Variants in HTR1E observed in about 807,000 individuals in gnomAD.
HTR1E encodes the protein 5-hydroxytryptamine receptor 1E.
A neutral mutation model predicts 3.4 loss-of-function variants in HTR1E; 3 were observed. That is an observed-to-expected ratio of 0.89 (90% CI 0.41 to 2.31). The LOEUF is 2.31. Among genes scored for constraint, HTR1E ranks in the 30% most tolerant of loss-of-function variants. The probability of loss-of-function intolerance (pLI) is 0.05; values close to 1 mark genes in which losing one functional copy is unlikely to be tolerated. For synonymous variants in HTR1E, 170 were observed against 182.8 expected (o/e 0.93, Z 0.56); for missense variants, 392 against 467.0 (o/e 0.84, Z 1.48).
intron 1 of HTR1E, among the ~76,000 whole-genome samples, chr6:86,992,792 C>T (rs1034550499): frequency 6.6e-6 from 1 of 152,142 alleles, no homozygotes; most frequent in Admixed American, 6.6e-5. Flanking sequence ...TAAAACCAAG[C>T]TTCCAAAGAT....
At chr6:86,985,995 T>C (rs1767779855) in intron 1 of HTR1E, among the ~76,000 whole-genome samples, 1 of 152,210 alleles carries the variant, frequency 6.6e-6, no homozygotes. Flanking sequence ...TTACTGGAAT[T>C]CATTTATTTC....
At chr6:86,999,299 G>C (rs919672049) in intron 1 of HTR1E, among the ~76,000 whole-genome samples, 1 of 151,976 alleles carries the variant, frequency 6.6e-6, no homozygotes, top group African/African-American at 2.4e-5. Context: ...TCAAAAATAG[G>C]TTTTAAGATA....
At position 87,010,309 on chromosome 6, in the gene HTR1E, G is replaced by C. The variant is rs557750518; in HGVS notation, c.-185-4841G>C. 1.7e-3 allele frequency among the ~76,000 whole-genome samples: 180 copies of C among 107,610 alleles called. 13 individuals are homozygous for C. Among genetic ancestry groups the C allele is most frequent in the African/African-American group, 5.4e-3 (130 of 24,034 alleles). The allele number at this position is 107,610 out of a possible 152,430, so 70.6% of individuals were successfully genotyped here. The stretch of plus-strand genomic sequence containing the variant: ...CCCGGACGGGGCGGCTGGCCGGGCG[G>C]GGGGGCTGACCCCCCCCACCTCCCT... On this transcript the variant is annotated intron_variant, in intron 1 of 1. Coordinates refer to ENST00000305344, the MANE Select transcript of HTR1E (RefSeq NM_000865.3).
intron 1 of HTR1E, among the ~76,000 whole-genome samples, chr6:86,957,938 T>C (rs1246428077): frequency 1.3e-5 from 2 of 152,154 alleles, no homozygotes; most frequent in Non-Finnish European, 2.9e-5. Context: ...TTTAGTCATA[T>C]ATACTTCCAT....
intron 1 of HTR1E, among the ~76,000 whole-genome samples, chr6:86,970,266 A>G (rs1767531416): frequency 6.6e-6 from 1 of 152,224 alleles, no homozygotes; most frequent in Admixed American, 6.5e-5. Flanking sequence ...TTTAAATCCT[A>G]AAGTAACAAC....
At chr6:86,971,015 T>C (rs1767544904) in intron 1 of HTR1E, 2 of 469,534 alleles carry the variant, frequency 4.3e-6, no homozygotes, top group African/African-American at 2.0e-5. Flanking sequence ...TTGGAGGATC[T>C]GATTCATGAG....
At chr6:86,958,989 AAGAG>A (rs919479037) in intron 1 of HTR1E, among the ~76,000 whole-genome samples, 4 of 110,760 alleles carry the variant, frequency 3.6e-5, no homozygotes, top group South Asian at 3.1e-4. Flanking sequence ...TGTGTACAGA[AAGAG>A]AGAGATTGAT....
At chr6:86,984,548 A>G (rs1242599356) in intron 1 of HTR1E, among the ~76,000 whole-genome samples, 2 of 152,250 alleles carry the variant, frequency 1.3e-5, no homozygotes, top group East Asian at 3.8e-4. Context: ...GAACTTAATT[A>G]CAAGAATTTA....
At chr6:87,012,102 C>T (rs915221792) in intron 1 of HTR1E, among the ~76,000 whole-genome samples, 1 of 146,340 alleles carries the variant, frequency 6.8e-6, no homozygotes, top group Non-Finnish European at 1.5e-5. Context: ...CGGAAGCAGT[C>T]TGGGGATCTG....
intron 1 of HTR1E, among the ~76,000 whole-genome samples, chr6:86,966,576 T>G (rs568945755): frequency 1.4e-4 from 21 of 152,288 alleles, no homozygotes; most frequent in Admixed American, 2.6e-4. Context: ...CCTCCTGTTT[T>G]GAGGTAGGAT....
chr6:86,996,391 ATACTT>A (rs1767939973), intron 1 of HTR1E, among the ~76,000 whole-genome samples: 1 of 152,170 alleles, frequency 6.6e-6, no homozygotes, highest in Non-Finnish European at 1.5e-5. Context: ...AAATCTTTAA[ATACTT>A]TAAATTTTTA....
chr6:86,942,817 C>T (rs1409268291), intron 1 of HTR1E, among the ~76,000 whole-genome samples: 2 of 152,202 alleles, frequency 1.3e-5, no homozygotes, highest in African/African-American at 2.4e-5. Context: ...CCAGACTGTA[C>T]TGACCCCAGG....
At chr6:87,010,427 C>G (rs1312966636) in intron 1 of HTR1E, among the ~76,000 whole-genome samples, 3 of 151,190 alleles carry the variant, frequency 2.0e-5, no homozygotes, top group East Asian at 1.9e-4. Context: ...CCTCACTTCC[C>G]AGTAGGGGCG....
Position 87,010,183 on chromosome 6 carries a change from G to T in HTR1E, c.-185-4967G>T, listed in dbSNP as rs1211251730. Among the ~76,000 whole-genome samples the T allele has an allele frequency of 3.6e-5, 4 of 111,756 alleles. No individual in the cohort carries two copies. In the South Asian group the frequency reaches 1.2e-3, roughly 34 times the overall value. The allele number at this position is 111,756 out of a possible 152,430, so 73.3% of individuals were successfully genotyped here. ...CCGGACGGGGCGGCTGGCCGGGCGG[G>T]GGGCCGACCCCCCCACCTCCCTCCC... On this transcript the variant is annotated intron_variant, in intron 1 of 1. Coordinates refer to ENST00000305344, the MANE Select transcript of HTR1E (RefSeq NM_000865.3).
intron 1 of HTR1E, among the ~76,000 whole-genome samples, chr6:87,014,713 C>CA (rs1768290920): frequency 6.6e-6 from 1 of 152,056 alleles, no homozygotes. Flanking sequence ...AACAGAAAAC[C>CA]AAACACCACA....
At position 86,946,529 on chromosome 6, in the gene HTR1E, T is replaced by C. The variant is rs150159570; in HGVS notation, c.-186+8706T>C. On this transcript the variant is annotated intron_variant, in intron 1 of 1. Transcript: ENST00000305344. ...CTAACAATGCATTTCTCAGAATGTA[T>C]GATGCATGGCTATATATAAAATTAT... Among the ~76,000 whole-genome samples, 91 of 152,332 alleles carry C rather than the reference T, an allele frequency of 6.0e-4. No homozygotes were observed. The East Asian group carries it at 0.015, about 26-fold the overall frequency.
chr6:86,938,612 G>T (rs553548221), intron 1 of HTR1E, among the ~76,000 whole-genome samples: 1 of 152,186 alleles, frequency 6.6e-6, no homozygotes, highest in African/African-American at 2.4e-5. Context: ...TCAACCCAAC[G>T]CTGCTTGTCC....
intron 1 of HTR1E, among the ~76,000 whole-genome samples, chr6:86,952,832 C>CA (rs770765814): frequency 2.0e-5 from 3 of 152,102 alleles, no homozygotes; most frequent in Non-Finnish European, 4.4e-5. Flanking sequence ...CATTCCCACT[C>CA]AAAAAATGAT....
At chr6:86,970,104 C>A (rs1767528307) in intron 1 of HTR1E, among the ~76,000 whole-genome samples, 1 of 152,198 alleles carries the variant, frequency 6.6e-6, no homozygotes. Context: ...TAGAAAACGA[C>A]TGCAACTTCT....
Sources: allele counts gnomAD v4.1 joint callset (sites outside exome capture counted in the v4.1 genomes callset), GRCh38; gene constraint gnomAD v4.1.1; transcripts MANE v1.5; gene names NCBI Gene and HGNC (gene_info 2026-07-23, HGNC 2026-07-21).